MALRD1: variants seen among roughly 807,000 people sequenced by gnomAD.
MALRD1 encodes the protein MAM and LDL receptor class A domain containing 1, also known as MAM and LDL-receptor class A domain-containing protein 1.
MALRD1 carries 247 observed loss-of-function variants against 242.1 expected under a neutral mutation model. That is an observed-to-expected ratio of 1.02 (90% CI 0.92 to 1.13). The LOEUF is 1.13. Among genes scored for constraint, MALRD1 ranks in the 50% most tolerant of loss-of-function variants. The pLI, the probability that MALRD1 is intolerant of heterozygous loss-of-function variation, is 0.00. For synonymous variants in MALRD1, 995 were observed against 866.6 expected, an observed-to-expected ratio of 1.15 and a Z score of -2.60; for missense variants, 2,989 against 2,533.1, an observed-to-expected ratio of 1.18 and a Z score of -3.86.
intron 38 of MALRD1, among the ~76,000 whole-genome samples, chr10:19,722,787 G>A (rs954108032): frequency 6.6e-6 from 1 of 151,920 alleles, no homozygotes; most frequent in Admixed American, 6.6e-5. Flanking sequence ...GAAAGGAGGT[G>A]AAGAGAATAG....
At chr10:19,474,119 T>TTA (rs75900065) in intron 29 of MALRD1, among the ~76,000 whole-genome samples, 5,287 of 151,996 alleles carry the variant, frequency 0.035, 122 homozygotes, top group Middle Eastern at 0.099. Flanking sequence ...TATTGGACAT[T>TTA]TGTGTATGTT....
At chr10:19,517,151 T>G (rs972753084) in intron 31 of MALRD1, among the ~76,000 whole-genome samples, 1 of 152,180 alleles carries the variant, frequency 6.6e-6, no homozygotes, top group Non-Finnish European at 1.5e-5. Flanking sequence ...TTGGATAGAT[T>G]AAGACTGTAG....
chr10:19,554,746 G>A (rs536253166), intron 32 of MALRD1, among the ~76,000 whole-genome samples: 1 of 152,072 alleles, frequency 6.6e-6, no homozygotes, highest in East Asian at 1.9e-4. Flanking sequence ...TGGCTGCATA[G>A]CATTCTATGG....
chr10:19,547,155 G>C (rs1447003140), intron 32 of MALRD1, among the ~76,000 whole-genome samples: 1 of 152,008 alleles, frequency 6.6e-6, no homozygotes, highest in African/African-American at 2.4e-5. Flanking sequence ...CATTTTCTTG[G>C]TGCTTTATTT....
intron 26 of MALRD1, among the ~76,000 whole-genome samples, chr10:19,368,393 A>C (rs1448956084): frequency 3.3e-5 from 5 of 152,010 alleles, no homozygotes; most frequent in Admixed American, 2.0e-4. Flanking sequence ...TCCAGTGTCT[A>C]TTCTTGGTGC....
chr10:19,594,937 A>C (rs1263861418), intron 33 of MALRD1, among the ~76,000 whole-genome samples: 2 of 152,220 alleles, frequency 1.3e-5, no homozygotes, highest in East Asian at 3.9e-4. Context: ...CCACTAAAGA[A>C]CTTATTAATA....
rs1836955503 is a variant in MALRD1 at position 19,209,687 on chromosome 10, A to G, written c.2991+7A>G. On this transcript the variant is annotated splice_region_variant and intron_variant, in intron 18 of 39. Coordinates refer to ENST00000454679, the MANE Select transcript of MALRD1 (RefSeq NM_001142308.3). ...CAGCAGGCAGCCCTTTCAGGTATGG[A>G]TAATAGATTTTATAATGTACATTTG... 7 of 1,529,704 alleles carry G rather than the reference A, an allele frequency of 4.6e-6. No individual in the cohort carries two copies. The highest frequency in any genetic ancestry group is 6.2e-6 in the Non-Finnish European group (7 of 1,137,460). The allele number at this position is 1,529,704 out of a possible 1,614,324, so 94.8% of individuals were successfully genotyped here. A position where few individuals can be genotyped will look rare whatever the true frequency, so the allele number is the denominator to read the frequency against.
At chr10:19,216,969 A>G (rs1480926353) in intron 18 of MALRD1, among the ~76,000 whole-genome samples, 3 of 151,344 alleles carry the variant, frequency 2.0e-5, no homozygotes, top group Admixed American at 2.0e-4. Flanking sequence ...TAAAAATAAA[A>G]TAAAATTAAA....
At chr10:19,389,689 C>G (rs1846254360) in intron 28 of MALRD1, 80 bp downstream of exon 28, 1 of 1,422,242 alleles carries the variant, frequency 7.0e-7, no homozygotes, top group South Asian at 1.4e-5. Context: ...ACTCAGGCTG[C>G]AGTGCAGTGG....
intron 33 of MALRD1, among the ~76,000 whole-genome samples, chr10:19,573,787 A>G (rs1836672352): frequency 1.3e-5 from 2 of 152,110 alleles, no homozygotes; most frequent in South Asian, 2.1e-4. Context: ...TTCTCCATTG[A>G]AACATGCTGC....
At chr10:19,400,444 C>G (rs1448452143) in intron 28 of MALRD1, among the ~76,000 whole-genome samples, 1 of 152,098 alleles carries the variant, frequency 6.6e-6, no homozygotes, top group African/African-American at 2.4e-5. Flanking sequence ...GTTCTGTTCT[C>G]CAGCGACAAG....
chr10:19,491,495 T>A, intron 29 of MALRD1, 22 bp from the exon 30 acceptor site: 1 of 1,547,030 alleles, frequency 6.5e-7, no homozygotes, highest in Non-Finnish European at 8.7e-7. Flanking sequence ...AATACTGCTT[T>A]TGTTTTTTTG....
chr10:19,521,451 G>A (rs3904896), intron 31 of MALRD1, among the ~76,000 whole-genome samples: 37,766 of 151,766 alleles, frequency 0.25, 7,511 homozygotes, highest in African/African-American at 0.56. Flanking sequence ...TATTGTTTTC[G>A]TTATAAATAT....
At chr10:19,554,518 G>A (rs542994331) in intron 32 of MALRD1, among the ~76,000 whole-genome samples, 1 of 152,176 alleles carries the variant, frequency 6.6e-6, no homozygotes, top group African/African-American at 2.4e-5. Flanking sequence ...GCATGCATTA[G>A]CCATTTTTTC....
At chr10:19,148,406 T>C (rs1833802423) in intron 11 of MALRD1, among the ~76,000 whole-genome samples, 1 of 152,084 alleles carries the variant, frequency 6.6e-6, no homozygotes, top group African/African-American at 2.4e-5. Flanking sequence ...TGTGGAGTTG[T>C]CATGAGGATT....
chr10:19,283,724 T>C (rs535966339), intron 21 of MALRD1, among the ~76,000 whole-genome samples: 4 of 152,358 alleles, frequency 2.6e-5, no homozygotes, highest in Non-Finnish European at 4.4e-5. Flanking sequence ...TATTCATCAT[T>C]ATTTGCATTT....
At chr10:19,157,389 A>C (rs1834199424) in intron 12 of MALRD1, among the ~76,000 whole-genome samples, 1 of 151,044 alleles carries the variant, frequency 6.6e-6, no homozygotes, top group South Asian at 2.1e-4. Flanking sequence ...CTGGGACTAC[A>C]GGTGCCCACA....
At chr10:19,243,733 A>G (rs567765550) in intron 18 of MALRD1, among the ~76,000 whole-genome samples, 1 of 152,260 alleles carries the variant, frequency 6.6e-6, no homozygotes, top group East Asian at 1.9e-4. Flanking sequence ...TTATGATGGG[A>G]AAAGTATCAA....
chr10:19,501,312 A>G (rs1281694890), intron 31 of MALRD1, among the ~76,000 whole-genome samples: 1 of 152,178 alleles, frequency 6.6e-6, no homozygotes, highest in African/African-American at 2.4e-5. Context: ...GCCTCTGCCA[A>G]CTAGATGTCG....
Sources: allele counts gnomAD v4.1 joint callset (sites outside exome capture counted in the v4.1 genomes callset), GRCh38; gene constraint gnomAD v4.1.1; transcripts MANE v1.5; gene names NCBI Gene and HGNC (gene_info 2026-07-23, HGNC 2026-07-21).